The following ST8SIA3 variants were observed in gnomAD, a reference collection of about 807,000 sequenced individuals.
The protein encoded by ST8SIA3 is alpha-N-acetylneuraminate alpha-2,8-sialyltransferase ST8SIA3.
Under a neutral mutation model 34.5 loss-of-function variants are expected in ST8SIA3, and 17 were observed. The ratio of observed to expected loss-of-function variants is 0.49; its 90% confidence interval spans 0.34 to 0.74. The LOEUF (loss-of-function observed/expected upper bound fraction) is 0.74, where lower values mean the gene tolerates loss of function less well. Among genes scored for constraint, ST8SIA3 ranks in the 30% least tolerant of loss-of-function variants. The probability of loss-of-function intolerance (pLI) is 0.01; values close to 1 mark genes in which losing one functional copy is unlikely to be tolerated. For missense variants in ST8SIA3, 354 were observed against 467.8 expected (o/e 0.76, Z 2.24); for synonymous variants, 172 against 176.1 (o/e 0.98, Z 0.19).
chr18:57,362,755 C>T lies in ST8SIA3; in HGVS notation c.*2478C>T, dbSNP rs890693451. 3.9e-5 allele frequency: 6 copies of T among 152,146 alleles called. 1 individual carries two copies. Among genetic ancestry groups the T allele is most frequent in the African/African-American group, 1.4e-4 (6 of 41,438 alleles). The allele number at this position is 152,146 out of a possible 1,614,324, so 9.4% of individuals were successfully genotyped here. A position where few individuals can be genotyped will look rare whatever the true frequency, so the allele number is the denominator to read the frequency against. On this transcript the variant is annotated 3_prime_UTR_variant, in exon 4 of 4. Transcript: ENST00000324000. ...AAGGAGGACTTCCTGGAGATGATCC[C>T]AATAGATCACCCTTCACTTTTGAAG...
chr18:57,356,651 G>A (rs192631614), intron 2 of ST8SIA3, among the ~76,000 whole-genome samples: 52 of 152,316 alleles, frequency 3.4e-4, no homozygotes, highest in African/African-American at 1.2e-3. Context: ...TTCACGTAGA[G>A]CAGAAAACCA....
At position 57,354,396 on chromosome 18, in the gene ST8SIA3, C is replaced by T. The variant is rs2049786301; in HGVS notation, c.180-6C>T. ...CACGCTTGTCTGTGCTCATGCTCCTCTCCAGGTCACAATTTGCGCTGAAGT... is the reference window on the plus strand; with the variant it reads ...CACGCTTGTCTGTGCTCATGCTCCTTTCCAGGTCACAATTTGCGCTGAAGT... On this transcript the variant is annotated splice_region_variant and splice_polypyrimidine_tract_variant and intron_variant, in intron 1 of 3. Coordinates refer to ENST00000324000, the MANE Select transcript of ST8SIA3 (RefSeq NM_015879.3). 6.2e-7 allele frequency: 1 copy of T among 1,614,026 alleles called. No individual in the cohort carries two copies. The highest frequency in any genetic ancestry group is 1.7e-4 in the Middle Eastern group (1 of 6,060).
At position 57,352,922 on chromosome 18, in the gene ST8SIA3, T is replaced by C; in HGVS notation, c.76T>C (p.Ser26Pro). The change falls in exon 1 of 4, where the codon TCG becomes CCG. Residue 26 changes from serine to proline, a missense_variant. Transcript: ENST00000324000. ...VMLSVALLIL[S>P]LISYVSLKKE... ...GCTCAGCGTCGCCCTGCTGATTTTA[T>C]CGCTCATCAGCTACGTGTCCCTGAA... is the stretch of plus-strand genomic sequence containing the variant. The C allele has an allele frequency of 6.2e-7, 1 of 1,613,770 alleles. No homozygotes were observed. The highest frequency in any genetic ancestry group is 1.1e-5 in the South Asian group (1 of 91,076).
At chr18:57,355,179 T>A (rs1307560232) in intron 2 of ST8SIA3, among the ~76,000 whole-genome samples, 1 of 152,220 alleles carries the variant, frequency 6.6e-6, no homozygotes, top group Non-Finnish European at 1.5e-5. Flanking sequence ...GAGGTTTTGT[T>A]TTTTTAGGTG....
chr18:57,365,839 A>G lies in ST8SIA3; in HGVS notation c.*5562A>G, dbSNP rs2049857634. The G allele has an allele frequency of 6.6e-6, 1 of 152,208 alleles. No homozygotes were observed. Among genetic ancestry groups the G allele is most frequent in the Admixed American group, 6.5e-5 (1 of 15,276 alleles). 9.4% of individuals were successfully genotyped at this position (152,208 alleles called of 1,614,324 possible). On this transcript the variant is annotated 3_prime_UTR_variant, in exon 4 of 4. Transcript: ENST00000324000. The stretch of plus-strand genomic sequence containing the variant: ...TGAAGCTTTGGCCAGACTTCTTTCT[A>G]TAGCTGTGCACATAGAAAGGCTTTA...
chr18:57,352,689 C>G lies in ST8SIA3; in HGVS notation c.-158C>G, dbSNP rs180965460. ...ACCCCCGGCCCCGGTGGCCTCCCCCCACCCCCGCCCGGGTCCCCCTCCTCC... is the reference window on the plus strand; with the variant it reads ...ACCCCCGGCCCCGGTGGCCTCCCCCGACCCCCGCCCGGGTCCCCCTCCTCC... On this transcript the variant is annotated 5_prime_UTR_variant, in exon 1 of 4. Coordinates refer to ENST00000324000, the MANE Select transcript of ST8SIA3 (RefSeq NM_015879.3). The G allele has an allele frequency of 1.5e-5, 4 of 269,824 alleles. No individual in the cohort carries two copies. Among genetic ancestry groups the G allele is most frequent in the African/African-American group, 5.2e-5 (2 of 38,210 alleles). 16.7% of individuals were successfully genotyped at this position (269,824 alleles called of 1,614,324 possible).
At chr18:57,355,433 TTAATC>T (rs567454727) in intron 2 of ST8SIA3, among the ~76,000 whole-genome samples, 1 of 152,206 alleles carries the variant, frequency 6.6e-6, no homozygotes, top group Admixed American at 6.5e-5. Flanking sequence ...TTTTAAAAGT[TTAATC>T]TATGGGCAGA....
intron 3 of ST8SIA3, among the ~76,000 whole-genome samples, chr18:57,358,651 T>C (rs1040156142): frequency 6.6e-6 from 1 of 152,172 alleles, no homozygotes; most frequent in Non-Finnish European, 1.5e-5. Flanking sequence ...AAACTGGGAC[T>C]GTCCCAGTTC....
At position 57,363,151 on chromosome 18, in the gene ST8SIA3, C is replaced by T. The variant is rs1413724939; in HGVS notation, c.*2874C>T. On this transcript the variant is annotated 3_prime_UTR_variant, in exon 4 of 4. Coordinates refer to ENST00000324000, the MANE Select transcript of ST8SIA3 (RefSeq NM_015879.3). Reference sequence around the variant, plus strand: ...TTGGAATACATTTTACCATAAAGCCCCCAAGGCTTTCTACCCATAACACCA... The same window carrying T: ...TTGGAATACATTTTACCATAAAGCCTCCAAGGCTTTCTACCCATAACACCA... The T allele has an allele frequency of 2.6e-5, 4 of 152,150 alleles. No homozygotes were observed. The highest frequency in any genetic ancestry group is 5.9e-5 in the Non-Finnish European group (4 of 68,034). 9.4% of individuals were successfully genotyped at this position (152,150 alleles called of 1,614,324 possible). A position where few individuals can be genotyped will look rare whatever the true frequency, so the allele number is the denominator to read the frequency against.
chr18:57,357,377 T>C lies in ST8SIA3; in HGVS notation c.767T>C (p.Val256Ala), dbSNP rs1293405026. ...PAFFFHTSAT[V>A]TRTLVDFFVE... ...TTTTTCTTCCACACTTCAGCAACTG[T>C]GACCAGGACATTAGTTGACTTTTTT... Residue 256 changes from valine to alanine, a missense_variant, in exon 3 of 4, where the codon GTG becomes GCG. This residue lies in a region of ST8SIA3 where 166 missense variants were observed against 245.2 expected (regional missense o/e 0.68). Transcript: ENST00000324000. 2.5e-6 allele frequency: 4 copies of C among 1,613,192 alleles called. No individual in the cohort carries two copies. The highest frequency in any genetic ancestry group is 3.4e-6 in the Non-Finnish European group (4 of 1,179,970).
intron 3 of ST8SIA3, among the ~76,000 whole-genome samples, chr18:57,359,556 A>G (rs1349600240): frequency 6.7e-6 from 1 of 148,608 alleles, no homozygotes; most frequent in African/African-American, 2.6e-5. Flanking sequence ...ACCCTATCCA[A>G]GAACACTTTA....
chr18:57,359,539 C>T (rs1408362597), intron 3 of ST8SIA3, among the ~76,000 whole-genome samples: 1 of 151,958 alleles, frequency 6.6e-6, no homozygotes, highest in Admixed American at 6.5e-5. Flanking sequence ...ATTAAATGAC[C>T]TCCTTCACCC....
rs1942964 is a variant in ST8SIA3, at chr18:57,359,981, T to G, written c.861-14T>G. 742,769 of 1,603,524 alleles carry G rather than the reference T, an allele frequency of 0.46. 178,669 individuals are homozygous for G. The highest frequency in any genetic ancestry group is 0.5 in the Non-Finnish European group (581,209 of 1,171,514). On this transcript the variant is annotated splice_polypyrimidine_tract_variant and intron_variant, in intron 3 of 3. Coordinates refer to ENST00000324000, the MANE Select transcript of ST8SIA3 (RefSeq NM_015879.3). ...CGCTGACCTCTGAATCCAAATGTAC[T>G]TATTGTTCCACAGGTACTGGAAAAA...
chr18:57,352,893 T>C lies in ST8SIA3; in HGVS notation c.47T>C (p.Val16Ala), dbSNP rs770874167. The change falls in exon 1 of 4, where the codon GTC becomes GCC. Residue 16 changes from valine (V) to alanine (A), a missense_variant. Val to Ala is a moderately conservative substitution (Grantham distance 64). Transcript: ENST00000324000. ...MARVASVLGLVMLSVALLILS... is the reference protein window; with the variant it reads ...MARVASVLGLAMLSVALLILS... ...CGGGTCGCCAGTGTGCTGGGGCTGG[T>C]CATGCTCAGCGTCGCCCTGCTGATT... 33 of 1,613,528 alleles carry C rather than the reference T, an allele frequency of 2.0e-5. No individual in the cohort carries two copies. Among genetic ancestry groups the C allele is most frequent in the Non-Finnish European group, 2.8e-5 (33 of 1,179,948 alleles).
chr18:57,355,718 AT>A (rs1256467416), intron 2 of ST8SIA3, among the ~76,000 whole-genome samples: 1 of 152,192 alleles, frequency 6.6e-6, no homozygotes, highest in African/African-American at 2.4e-5. Context: ...AATAAAAAAT[AT>A]TCTTCCCACA....
chr18:57,358,080 A>G (rs1424456820), intron 3 of ST8SIA3, among the ~76,000 whole-genome samples: 2 of 152,232 alleles, frequency 1.3e-5, no homozygotes, highest in East Asian at 1.9e-4. Flanking sequence ...CTCTGGTTGT[A>G]TATTAGAATC....
Position 57,356,699 on chromosome 18 carries a change from C to T in ST8SIA3, c.303-214C>T, listed in dbSNP as rs1264519834. On this transcript the variant is annotated intron_variant, in intron 2 of 3. Coordinates refer to ENST00000324000, the MANE Select transcript of ST8SIA3 (RefSeq NM_015879.3). The stretch of plus-strand genomic sequence containing the variant: ...TAAAACTGTAAGTTGCATTTACAAG[C>T]CTCAAAGAATACACCCAGAAATTGA... 6.6e-5 allele frequency among the ~76,000 whole-genome samples: 10 copies of T among 152,264 alleles called. No homozygotes were observed. The South Asian group carries it at 8.3e-4, about 13-fold the overall frequency.
At chr18:57,354,342 C>G in intron 1 of ST8SIA3, 60 bp from the exon 2 acceptor site, 2 of 1,606,894 alleles carry the variant, frequency 1.2e-6, no homozygotes, top group African/African-American at 1.3e-5. Flanking sequence ...ACTTTAATGG[C>G]TACCTCGGCT....
intron 2 of ST8SIA3, among the ~76,000 whole-genome samples, chr18:57,354,915 T>C (rs186241821): frequency 8.1e-4 from 123 of 152,166 alleles, no homozygotes; most frequent in African/African-American, 2.9e-3. Context: ...GCATTTTCAT[T>C]TCCTCACTGA....
Sources: allele counts gnomAD v4.1 joint callset (sites outside exome capture counted in the v4.1 genomes callset), GRCh38; gene constraint gnomAD v4.1.1; regional missense constraint gnomAD v4.1.1; transcripts MANE v1.5; gene names NCBI Gene and HGNC (gene_info 2026-07-23, HGNC 2026-07-21).